The following SLC18A2 variants were observed in gnomAD, a reference collection of about 807,000 sequenced individuals.
SLC18A2 encodes the protein synaptic vesicular amine transporter.
In SLC18A2, 33 loss-of-function variants were observed where a neutral mutation model predicts 59.2. The observed-to-expected ratio is 0.56, with a 90% CI of 0.42 to 0.75. The LOEUF is 0.75. SLC18A2 is among the 30% of genes least tolerant of loss of function. The pLI is 0.00. For synonymous variants in SLC18A2, 228 were observed against 253.5 expected (o/e 0.90, Z 0.95); for missense variants, 569 against 668.6 (o/e 0.85, Z 1.64).
chr10:117,265,622 C>A (rs1488878029), intron 10 of SLC18A2, among the ~76,000 whole-genome samples: 5 of 152,266 alleles, frequency 3.3e-5, no homozygotes, highest in South Asian at 4.1e-4. Flanking sequence ...GAGGACCAGA[C>A]ACAGCTGATG....
At chr10:117,244,431 G>A in intron 3 of SLC18A2, 118 bp downstream of exon 3, 1 of 948,700 alleles carries the variant, frequency 1.1e-6, no homozygotes, top group Non-Finnish European at 1.6e-6. Context: ...TGGTGGGTGA[G>A]CTGGGGAAAA....
chr10:117,242,973 C>T (rs1233379796), intron 2 of SLC18A2, among the ~76,000 whole-genome samples: 2 of 152,186 alleles, frequency 1.3e-5, no homozygotes, highest in Non-Finnish European at 2.9e-5. Flanking sequence ...CTCAGGTGAT[C>T]TACCCGCCTC....
intron 13 of SLC18A2, 180 bp downstream of exon 13, chr10:117,267,916 C>A: frequency 2.1e-6 from 1 of 479,174 alleles, no homozygotes; most frequent in Non-Finnish European, 3.8e-6. Flanking sequence ...TGCTTCTATG[C>A]ACTAGTCATT....
rs1221186371 is a variant in SLC18A2 at position 117,278,872 on chromosome 10, T to C, written c.*1606T>C. On this transcript the variant is annotated 3_prime_UTR_variant, in exon 16 of 16. Transcript: ENST00000644641. ...TGGCCAAGTCTGCCACTTTGGAAGA[T>C]GGCTCTGGAGGAAACTCTCATATGG... 2.0e-5 allele frequency: 3 copies of C among 152,208 alleles called. No homozygotes were observed. Among genetic ancestry groups the C allele is most frequent in the Admixed American group, 2.0e-4 (3 of 15,278 alleles). 9.4% of individuals were successfully genotyped at this position (152,208 alleles called of 1,614,324 possible).
rs767337086 is a variant in SLC18A2, at chr10:117,255,286, C to T, written c.710C>T (p.Pro237Leu). ...CTTTCTCTCCCTGCAGTGGGCCCCCCCTTCGGGAGTGTGCTCTATGAGTTT... is the reference window on the plus strand; with the variant it reads ...CTTTCTCTCCCTGCAGTGGGCCCCCTCTTCGGGAGTGTGCTCTATGAGTTT... The part of the protein sequence containing the change: ...GLAMGVLVGP[P>L]FGSVLYEFVG... The change falls in exon 7 of 16, where the codon CCC (proline) becomes CTC (leucine). Residue 237 changes from proline (P) to leucine (L), a missense_variant. By Grantham distance (98) the Pro-to-Leu change is moderately conservative. Coordinates refer to ENST00000644641, the MANE Select transcript of SLC18A2 (RefSeq NM_003054.6). 8.1e-6 allele frequency: 13 copies of T among 1,614,086 alleles called. No individual in the cohort carries two copies. The highest frequency in any genetic ancestry group is 2.2e-5 in the South Asian group (2 of 91,090).
rs363254 is a variant in SLC18A2, at chr10:117,260,675, A to G, written c.991+2783A>G. Among the ~76,000 whole-genome samples, 637 of 152,342 alleles carry G rather than the reference A, an allele frequency of 4.2e-3. 24 individuals are homozygous for G. In the East Asian group the frequency reaches 0.088, roughly 21 times the overall value. ...TTTTATTGTTAAAATAAAACAACAT[A>G]TAACTGTTGAAATCCTCAGTCAGTC... On this transcript the variant is annotated intron_variant, in intron 10 of 15. Coordinates refer to ENST00000644641, the MANE Select transcript of SLC18A2 (RefSeq NM_003054.6).
intron 10 of SLC18A2, among the ~76,000 whole-genome samples, chr10:117,266,196 G>A (rs757261461): frequency 1.3e-5 from 2 of 151,624 alleles, no homozygotes; most frequent in Non-Finnish European, 2.9e-5. Flanking sequence ...GAAACAAGCA[G>A]GATAGAGTAT....
At chr10:117,274,823 T>C (rs749303075) in intron 15 of SLC18A2, among the ~76,000 whole-genome samples, 1 of 152,184 alleles carries the variant, frequency 6.6e-6, no homozygotes, top group Non-Finnish European at 1.5e-5. Flanking sequence ...TCCTTGCCTG[T>C]GCAGGGAGGT....
Position 117,255,581 on chromosome 10 carries a change from G to A in SLC18A2, c.835-16G>A. On this transcript the variant is annotated splice_polypyrimidine_tract_variant and intron_variant, in intron 8 of 15. Transcript: ENST00000644641. ...GGGCATGGTGCTGCTTCTGACCCGTGTTTTTTTCTTGACAGAGTCAGAAGG... is the reference window on the plus strand; with the variant it reads ...GGGCATGGTGCTGCTTCTGACCCGTATTTTTTTCTTGACAGAGTCAGAAGG... The A allele has an allele frequency of 6.2e-7, 1 of 1,614,076 alleles. No individual in the cohort carries two copies. Among genetic ancestry groups the A allele is most frequent in the South Asian group, 1.1e-5 (1 of 91,072 alleles).
chr10:117,273,711 T>A (rs910516588), intron 15 of SLC18A2, among the ~76,000 whole-genome samples: 3 of 152,196 alleles, frequency 2.0e-5, no homozygotes, highest in Admixed American at 2.0e-4. Context: ...TTAAAGAGAA[T>A]AAAACTTTCC....
At chr10:117,267,477 T>A in intron 12 of SLC18A2, 196 bp from the exon 13 acceptor site, 1 of 475,986 alleles carries the variant, frequency 2.1e-6, no homozygotes. Context: ...ATGGTGGTCA[T>A]AAAACTCGTT....
At chr10:117,262,695 G>C (rs997453858) in intron 10 of SLC18A2, among the ~76,000 whole-genome samples, 1 of 151,786 alleles carries the variant, frequency 6.6e-6, no homozygotes, top group African/African-American at 2.4e-5. Flanking sequence ...TTAGAGACAG[G>C]GTCTCGTCCT....
chr10:117,270,546 A>G, intron 15 of SLC18A2, 83 bp downstream of exon 15: 1 of 1,491,860 alleles, frequency 6.7e-7, no homozygotes, highest in Non-Finnish European at 9.2e-7. Flanking sequence ...GTTTCATTCT[A>G]AAGCCTTCAA....
At chr10:117,262,778 T>C (rs1181689379) in intron 10 of SLC18A2, among the ~76,000 whole-genome samples, 1 of 151,984 alleles carries the variant, frequency 6.6e-6, no homozygotes, top group African/African-American at 2.4e-5. Context: ...CAAGCTGTCC[T>C]CCTGCCTCAG....
At chr10:117,271,182 GT>G (rs1844421356) in intron 15 of SLC18A2, among the ~76,000 whole-genome samples, 1 of 152,220 alleles carries the variant, frequency 6.6e-6, no homozygotes, top group African/African-American at 2.4e-5. Context: ...GGTGTTGCCA[GT>G]TTTTAAAACA....
intron 14 of SLC18A2, 59 bp downstream of exon 14, chr10:117,270,249 A>G: frequency 6.2e-7 from 1 of 1,613,078 alleles, no homozygotes; most frequent in South Asian, 1.1e-5. Flanking sequence ...GATAACGTCT[A>G]CTAAAATTGT....
intron 15 of SLC18A2, among the ~76,000 whole-genome samples, chr10:117,272,917 G>A (rs1426508535): frequency 6.6e-6 from 1 of 152,234 alleles, no homozygotes. Context: ...CAGTGTGTGA[G>A]GGAGGAGGAA....
rs1326409698 is a variant in SLC18A2 at position 117,267,033 on chromosome 10, T to A, written c.1120T>A (p.Cys374Ser). 6.2e-7 allele frequency: 1 copy of A among 1,612,450 alleles called. No homozygotes were observed. The highest frequency in any genetic ancestry group is 8.5e-7 in the Non-Finnish European group (1 of 1,179,158). ...GATAATTGTTGGAGTCAGCATTTTATGTGTGAGTAAAAGATGGCATTTGAC... is the reference window on the plus strand; with the variant it reads ...GATAATTGTTGGAGTCAGCATTTTAAGTGTGAGTAAAAGATGGCATTTGAC... ...GMIIVGVSIL[C>S]IPFAKNIYGL... Residue 374 changes from cysteine (C) to serine (S), a missense_variant and splice_region_variant, in exon 12 of 16, where the codon TGT (cysteine) becomes AGT (serine). Coordinates refer to ENST00000644641, the MANE Select transcript of SLC18A2 (RefSeq NM_003054.6).
chr10:117,267,371 T>C (rs1224086960), intron 12 of SLC18A2: 4 of 445,514 alleles, frequency 9.0e-6, no homozygotes, highest in Non-Finnish European at 1.6e-5. Context: ...CTTCTACCAA[T>C]GGCCAATATC....
Sources: gnomAD v4.1 joint callset for allele counts (sites outside exome capture counted in the v4.1 genomes callset) on GRCh38, gnomAD v4.1.1 for gene constraint, MANE v1.5 for transcripts, NCBI Gene and HGNC (gene_info 2026-07-23, HGNC 2026-07-21) for gene names.